ATF7: variants seen among roughly 807,000 people sequenced by gnomAD.
The protein encoded by ATF7 is cyclic AMP-dependent transcription factor ATF-7.
A neutral mutation model predicts 50.4 loss-of-function variants in ATF7; 10 were observed. That is an observed-to-expected ratio of 0.20 (90% CI 0.12 to 0.34). The LOEUF is 0.34. Ranked by LOEUF, ATF7 falls within the 10% of genes least tolerant of loss-of-function variation. The pLI, the probability that ATF7 is intolerant of heterozygous loss-of-function variation, is 1.00. For missense variants in ATF7, 465 were observed against 613.9 expected (o/e 0.76, Z 2.56); for synonymous variants, 201 against 226.4 (o/e 0.89, Z 1.01).
chr12:53,612,642 T>C (rs974721619), intron 1 of ATF7, among the ~76,000 whole-genome samples: 3 of 152,128 alleles, frequency 2.0e-5, no homozygotes, highest in Non-Finnish European at 4.4e-5. Flanking sequence ...CCTACAGATC[T>C]TTCAGGGGGT....
chr12:53,529,130 G>A (rs955395541), intron 9 of ATF7, among the ~76,000 whole-genome samples: 12 of 152,018 alleles, frequency 7.9e-5, no homozygotes, highest in African/African-American at 2.4e-4. Context: ...CCATGTTCAG[G>A]ACTGGCTTCA....
rs1199418506 is a variant in ATF7 at position 53,542,107 on chromosome 12, G to GTTTTTTTTTTTTT, written c.264+1210_264+1222dup. On this transcript the variant is annotated intron_variant, in intron 4 of 11. Coordinates refer to ENST00000420353, the MANE Select transcript of ATF7 (RefSeq NM_006856.3). ...GGGTGTGAGCCACTGCGCCTGGCCT[G>GTTTTTTTTTTTTT]TTTTTTTTTTTTTTTTTTTAAGAGA... 2.5e-3 allele frequency among the ~76,000 whole-genome samples: 251 copies of GTTTTTTTTTTTTT among 101,416 alleles called. 21 individuals are homozygous for GTTTTTTTTTTTTT. The highest frequency in any genetic ancestry group is 5.6e-3 in the Middle Eastern group (1 of 178). The allele number at this position is 101,416 out of a possible 152,430, so 66.5% of individuals were successfully genotyped here. A position where few individuals can be genotyped will look rare whatever the true frequency, so the allele number is the denominator to read the frequency against.
intron 1 of ATF7, among the ~76,000 whole-genome samples, chr12:53,616,267 G>C (rs1193200494): frequency 1.3e-5 from 2 of 152,164 alleles, no homozygotes; most frequent in Non-Finnish European, 2.9e-5. Flanking sequence ...CTGTTACCCA[G>C]GCTAGAGTGC....
intron 9 of ATF7, among the ~76,000 whole-genome samples, chr12:53,529,890 G>A (rs947089273): frequency 2.0e-5 from 3 of 150,730 alleles, no homozygotes; most frequent in Admixed American, 6.6e-5. Context: ...ACAGGCGTGC[G>A]CCACCACGCC....
intron 1 of ATF7, among the ~76,000 whole-genome samples, chr12:53,610,980 C>T (rs943068293): frequency 2.0e-5 from 3 of 151,944 alleles, no homozygotes; most frequent in African/African-American, 7.3e-5. Flanking sequence ...GTGCACACCA[C>T]CATGCCCAGC....
chr12:53,579,620 T>A (rs987201173), intron 2 of ATF7, among the ~76,000 whole-genome samples: 3 of 151,748 alleles, frequency 2.0e-5, no homozygotes, highest in African/African-American at 7.3e-5. Context: ...ACTGTCTCTA[T>A]GGTAGTGTCT....
intron 2 of ATF7, 32 bp from the exon 3 acceptor site, chr12:53,552,669 A>C: frequency 1.3e-6 from 2 of 1,534,224 alleles, no homozygotes; most frequent in South Asian, 1.1e-5. Context: ...GATATGAAAA[A>C]ACAAAAACAA....
At chr12:53,598,759 C>T (rs1943265882) in intron 2 of ATF7, among the ~76,000 whole-genome samples, 1 of 152,154 alleles carries the variant, frequency 6.6e-6, no homozygotes, top group South Asian at 2.1e-4. Flanking sequence ...AGATGCTTTT[C>T]TCATATATTC....
chr12:53,554,362 C>A (rs557258040), intron 2 of ATF7, among the ~76,000 whole-genome samples: 1 of 151,596 alleles, frequency 6.6e-6, no homozygotes, highest in African/African-American at 2.4e-5. Flanking sequence ...AACTCCTGAC[C>A]TCAGGTGATC....
chr12:53,543,047 A>T (rs1305679325), intron 4 of ATF7: 1 of 1,281,470 alleles, frequency 7.8e-7, no homozygotes, highest in Non-Finnish European at 1.0e-6. Flanking sequence ...CATATTTATA[A>T]TATAAATATT....
intron 2 of ATF7, among the ~76,000 whole-genome samples, chr12:53,587,843 A>ATATTTTTTTT: frequency 1.3e-4 from 8 of 61,568 alleles, no homozygotes; most frequent in South Asian, 7.4e-4. Flanking sequence ...ATATATATAT[A>ATATTTTTTTT]TTTTTTTTTT....
chr12:53,612,851 A>G (rs1943952841), intron 1 of ATF7, among the ~76,000 whole-genome samples: 1 of 152,054 alleles, frequency 6.6e-6, no homozygotes, highest in Non-Finnish European at 1.5e-5. Flanking sequence ...TAAAAATACA[A>G]AAATTAGTTG....
intron 2 of ATF7, among the ~76,000 whole-genome samples, chr12:53,587,366 C>CAAAAAAAAA (rs55904354): frequency 5.3e-4 from 33 of 62,286 alleles, no homozygotes; most frequent in African/African-American, 8.7e-4. Context: ...AATTCCGCAT[C>CAAAAAAAAA]AAAAAAAAAA....
In ATF7 at chr12:53,524,640, C is replaced by T; in HGVS notation, c.1049G>A (p.Arg350His). The T allele has an allele frequency of 1.2e-6, 2 of 1,613,826 alleles. No individual in the cohort carries two copies. Among genetic ancestry groups the T allele is most frequent in the Non-Finnish European group, 1.7e-6 (2 of 1,179,892 alleles). The change falls in exon 10 of 12, where the codon CGC (arginine) becomes CAC (histidine). Residue 350 changes from arginine (R) to histidine (H), a missense_variant. Coordinates refer to ENST00000420353, the MANE Select transcript of ATF7 (RefSeq NM_006856.3). This position sits in a 1 kb window ranked among gnomAD's most constrained non-coding sequence, Gnocchi z 4.6. ...GGACACCCACAGCTTTCGCTTTTGG[C>T]GGCAGCGGGAGGCTGCAGCCCGGTT... The part of the protein sequence containing the change: ...ERNRAAASRC[R>H]QKRKLWVSSL...
chr12:53,540,642 C>T lies in ATF7; in HGVS notation c.264+2688G>A, dbSNP rs545098252. Among the ~76,000 whole-genome samples, 4 of 152,076 alleles carry T rather than the reference C, an allele frequency of 2.6e-5. No homozygotes were observed. In the South Asian group the frequency reaches 8.3e-4, roughly 32 times the overall value. On this transcript the variant is annotated intron_variant, in intron 4 of 11. Coordinates refer to ENST00000420353, the MANE Select transcript of ATF7 (RefSeq NM_006856.3). The stretch of plus-strand genomic sequence containing the variant: ...TCGGGAGGCTGAGGCAGGAGAATCG[C>T]TTGAACCTGGGAGGTGGAGGTTGCA...
chr12:53,574,387 A>G (rs1941939631), intron 2 of ATF7, among the ~76,000 whole-genome samples: 1 of 152,202 alleles, frequency 6.6e-6, no homozygotes, highest in Non-Finnish European at 1.5e-5. Context: ...ATCCTTTATA[A>G]TAAACTGGTA....
At chr12:53,582,628 G>A (rs572180608) in intron 2 of ATF7, among the ~76,000 whole-genome samples, 1 of 152,124 alleles carries the variant, frequency 6.6e-6, no homozygotes, top group Non-Finnish European at 1.5e-5. Context: ...GCCCAGGCTG[G>A]AGTGCAGTGG....
At position 53,534,786 on chromosome 12, in the gene ATF7, G is replaced by C; in HGVS notation, c.403-127C>G. 3 of 1,078,172 alleles carry C rather than the reference G, an allele frequency of 2.8e-6. 1 individual carries two copies. The South Asian group carries it at 4.7e-5, about 17-fold the overall frequency. The allele number at this position is 1,078,172 out of a possible 1,614,324, so 66.8% of individuals were successfully genotyped here. A position where few individuals can be genotyped will look rare whatever the true frequency, so the allele number is the denominator to read the frequency against. ...AGAGCCACTCATTAAATCATGACCT[G>C]ATTCCATCAGGATCAGGGACCCATA... On this transcript the variant is annotated intron_variant, in intron 5 of 11. Transcript: ENST00000420353.
At chr12:53,551,172 T>A (rs1185816626) in intron 3 of ATF7, among the ~76,000 whole-genome samples, 2 of 151,806 alleles carry the variant, frequency 1.3e-5, no homozygotes, top group Non-Finnish European at 2.9e-5. Context: ...TTTCCTTTTG[T>A]TTTTAGAGAC....
Sources: gnomAD v4.1 joint callset for allele counts (sites outside exome capture counted in the v4.1 genomes callset) on GRCh38, gnomAD v4.1.1 for gene constraint, Gnocchi (gnomAD v3.1) non-coding constraint, MANE v1.5 for transcripts, NCBI Gene and HGNC (gene_info 2026-07-23, HGNC 2026-07-21) for gene names.